The following NTN1 variants were observed in gnomAD, a reference collection of about 807,000 sequenced individuals.
NTN1 encodes netrin 1.
A neutral mutation model predicts 54.2 loss-of-function variants in NTN1; 11 were observed. The observed-to-expected ratio is 0.20, with a 90% CI of 0.13 to 0.34. The LOEUF is 0.34. NTN1 is among the 10% of genes least tolerant of loss of function. NTN1 has a pLI of 1.00. For missense variants in NTN1, 740 were observed against 893.1 expected, an observed-to-expected ratio of 0.83 and a Z score of 2.18; for synonymous variants, 371 against 382.0, an observed-to-expected ratio of 0.97 and a Z score of 0.33.
At chr17:9,059,773 C>T (rs1031981969) in intron 2 of NTN1, among the ~76,000 whole-genome samples, 4 of 150,606 alleles carry the variant, frequency 2.7e-5, no homozygotes, top group Admixed American at 6.7e-5. Context: ...TAAATGCCAC[C>T]GGATTGTCTA....
At chr17:9,086,696 C>T (rs887673678) in intron 2 of NTN1, among the ~76,000 whole-genome samples, 6 of 152,136 alleles carry the variant, frequency 3.9e-5, no homozygotes, top group African/African-American at 1.4e-4. Context: ...TCATCATGCT[C>T]ACTGTCATCA....
chr17:9,084,839 G>A (rs1424366917), intron 2 of NTN1, among the ~76,000 whole-genome samples: 1 of 151,850 alleles, frequency 6.6e-6, no homozygotes, highest in East Asian at 1.9e-4. Flanking sequence ...TTTTAGTAGA[G>A]ATGGGGTTTC....
chr17:9,101,606 G>A (rs370835958), intron 2 of NTN1, among the ~76,000 whole-genome samples: 196 of 152,338 alleles, frequency 1.3e-3, no homozygotes, highest in African/African-American at 4.5e-3. Flanking sequence ...CTGGCCAGGT[G>A]AGTGGGGATT....
At chr17:9,183,381 G>T (rs777815798) in intron 5 of NTN1, 4 of 481,518 alleles carry the variant, frequency 8.3e-6, no homozygotes, top group Non-Finnish European at 1.7e-5. Context: ...AATGCAGGGG[G>T]CCCAGGAGCT....
intron 2 of NTN1, among the ~76,000 whole-genome samples, chr17:9,122,845 T>C (rs550351243): frequency 2.0e-5 from 3 of 152,258 alleles, no homozygotes; most frequent in Non-Finnish European, 4.4e-5. Context: ...GTTTCCATCT[T>C]TCCACTTTAT....
Position 9,187,098 on chromosome 17 carries a change from G to A in NTN1, c.1411+4129G>A, listed in dbSNP as rs139482903. ...AAGCCTGTGACTCAGTGGAGGGACT[G>A]TTCAAAGTTCTTGATTAAAAAAACA... On this transcript the variant is annotated intron_variant, in intron 5 of 6. Transcript: ENST00000173229. Among the ~76,000 whole-genome samples the A allele has an allele frequency of 6.7e-3, 1,021 of 152,216 alleles. 5 individuals carry two copies. The highest frequency in any genetic ancestry group is 0.027 in the Middle Eastern group (8 of 294).
chr17:9,095,199 A>G (rs942324627), intron 2 of NTN1, among the ~76,000 whole-genome samples: 1 of 152,036 alleles, frequency 6.6e-6, no homozygotes, highest in African/African-American at 2.4e-5. Context: ...GATGTAAATT[A>G]TTTGTTATTT....
At chr17:9,020,042 T>G (rs777556113), upstream of NTN1, among the ~76,000 whole-genome samples, 14 of 152,154 alleles carry the variant, frequency 9.2e-5, no homozygotes, top group Non-Finnish European at 1.8e-4. Flanking sequence ...CTCCCATCCC[T>G]GGAAGAGCTG....
At chr17:9,209,773 A>G (rs934837899) in intron 5 of NTN1, among the ~76,000 whole-genome samples, 6 of 152,172 alleles carry the variant, frequency 3.9e-5, no homozygotes, top group Non-Finnish European at 7.4e-5. Context: ...ATGCTTCCTC[A>G]CCTGAATACA....
chr17:9,090,105 G>A (rs1039172445), intron 2 of NTN1, among the ~76,000 whole-genome samples: 19 of 152,026 alleles, frequency 1.2e-4, no homozygotes, highest in African/African-American at 4.4e-4. Flanking sequence ...GTTGACGCCT[G>A]TCTCCTCCCA....
intron 5 of NTN1, among the ~76,000 whole-genome samples, chr17:9,208,943 C>A (rs1250057996): frequency 6.6e-6 from 1 of 152,244 alleles, no homozygotes; most frequent in East Asian, 1.9e-4. Context: ...AGCTCTCCTC[C>A]TGGCCTCAAG....
At position 9,212,144 on chromosome 17, in the gene NTN1, T is replaced by C. The variant is rs748475588; in HGVS notation, c.1412-9024T>C. ...CGAGACTAGTACAGGCTTAGAGAGA[T>C]GGGTGGGGGCTAGAGATCTGCCTGT... On this transcript the variant is annotated intron_variant, in intron 5 of 6. Coordinates refer to ENST00000173229, the MANE Select transcript of NTN1 (RefSeq NM_004822.3). This position sits in a 1 kb window ranked among gnomAD's most constrained non-coding sequence, Gnocchi z 5.5. Among the ~76,000 whole-genome samples, 11 of 152,124 alleles carry C rather than the reference T, an allele frequency of 7.2e-5. No homozygotes were observed. The highest frequency in any genetic ancestry group is 1.2e-4 in the Non-Finnish European group (8 of 68,018).
chr17:9,051,836 A>G (rs1054920774), intron 2 of NTN1, among the ~76,000 whole-genome samples: 16 of 152,152 alleles, frequency 1.1e-4, no homozygotes, highest in African/African-American at 3.6e-4. Flanking sequence ...ACCAGTGTCT[A>G]TCCATCCCCC....
At chr17:9,049,627 T>G (rs989995902) in intron 2 of NTN1, among the ~76,000 whole-genome samples, 10 of 152,196 alleles carry the variant, frequency 6.6e-5, no homozygotes, top group African/African-American at 2.4e-4. Flanking sequence ...GCCATTACTC[T>G]TTAGGACTAT....
chr17:9,218,915 G>GAAAAAAA (rs58849878), intron 5 of NTN1, among the ~76,000 whole-genome samples: 5 of 141,174 alleles, frequency 3.5e-5, no homozygotes, highest in African/African-American at 1.3e-4. Context: ...TGGCTTTTGT[G>GAAAAAAA]AAAAAAAAAA....
In NTN1 at chr17:9,142,847, G is replaced by T. The variant is rs1334548996; in HGVS notation, c.1019-19966G>T. On this transcript the variant is annotated intron_variant, in intron 2 of 6. Coordinates refer to ENST00000173229, the MANE Select transcript of NTN1 (RefSeq NM_004822.3). Reference sequence around the variant, plus strand: ...ATAACCAACAAAATCAGTATGTAAAGTATGTAGATGCTATAAGTTGATGTA... The same window carrying T: ...ATAACCAACAAAATCAGTATGTAAATTATGTAGATGCTATAAGTTGATGTA... 2.0e-5 allele frequency among the ~76,000 whole-genome samples: 3 copies of T among 152,166 alleles called. No individual in the cohort carries two copies. The East Asian group carries it at 5.8e-4, about 29-fold the overall frequency.
chr17:9,044,492 T>C lies in NTN1; in HGVS notation c.1018+21101T>C, dbSNP rs903420907. ...TCAGGTGATCCCACCTGCCTCAGCC[T>C]CCCAAAGTGCAGGCATTATAGACAT... On this transcript the variant is annotated intron_variant, in intron 2 of 6. Coordinates refer to ENST00000173229, the MANE Select transcript of NTN1 (RefSeq NM_004822.3). 3.3e-5 allele frequency among the ~76,000 whole-genome samples: 5 copies of C among 152,112 alleles called. No individual in the cohort carries two copies. The South Asian group carries it at 8.3e-4, about 25-fold the overall frequency.
At chr17:9,050,261 A>C (rs1465080550) in intron 2 of NTN1, among the ~76,000 whole-genome samples, 2 of 151,618 alleles carry the variant, frequency 1.3e-5, no homozygotes, top group Non-Finnish European at 2.9e-5. Flanking sequence ...AAATAAAAAA[A>C]AATAAAAATA....
At chr17:9,151,056 C>A (rs1224117450) in intron 2 of NTN1, among the ~76,000 whole-genome samples, 1 of 152,116 alleles carries the variant, frequency 6.6e-6, no homozygotes, top group Non-Finnish European at 1.5e-5. Context: ...TTGGTCCCCC[C>A]TGGACATTTC....
Sources: gnomAD v4.1 joint callset for allele counts (sites outside exome capture counted in the v4.1 genomes callset) on GRCh38, gnomAD v4.1.1 for gene constraint, Gnocchi (gnomAD v3.1) non-coding constraint, MANE v1.5 for transcripts, NCBI Gene and HGNC (gene_info 2026-07-23, HGNC 2026-07-21) for gene names.